The following TNKS variants were observed in gnomAD, a reference collection of about 807,000 sequenced individuals.
The protein encoded by TNKS is tankyrase, also known as poly [ADP-ribose] polymerase tankyrase-1.
In TNKS, 72 loss-of-function variants were observed where a neutral mutation model predicts 135.8. That is an observed-to-expected ratio of 0.53 (90% CI 0.44 to 0.64). The LOEUF (loss-of-function observed/expected upper bound fraction) is 0.64. TNKS is among the 30% of genes least tolerant of loss of function. The pLI, the probability that TNKS is intolerant of heterozygous loss-of-function variation, is 0.00. For synonymous variants in TNKS, 849 were observed against 649.3 expected (o/e 1.31, Z -4.68); for missense variants, 1,769 against 1,674.0 (o/e 1.06, Z -0.99).
At chr8:9,586,920 G>A (rs1007804655) in intron 2 of TNKS, among the ~76,000 whole-genome samples, 17 of 152,054 alleles carry the variant, frequency 1.1e-4, no homozygotes, top group Admixed American at 2.6e-4. Context: ...AGGAGTCGGC[G>A]TACCTGGAGA....
chr8:9,769,669 G>T (rs1272312595), intron 25 of TNKS, among the ~76,000 whole-genome samples: 5 of 139,074 alleles, frequency 3.6e-5, no homozygotes, highest in African/African-American at 1.4e-4. Flanking sequence ...GCCCAGCCTG[G>T]AGTGCAGTGG....
chr8:9,766,222 T>C lies in TNKS; in HGVS notation c.3554-17T>C, dbSNP rs1278436598. 2 of 1,589,120 alleles carry C rather than the reference T, an allele frequency of 1.3e-6. No individual in the cohort carries two copies. The highest frequency in any genetic ancestry group is 2.7e-5 in the African/African-American group (2 of 74,086). ...AAAAGTGTTCAAAAACGAATCTTTC[T>C]GTCTTCGTATTTCTAGGTTCTCCTT... On this transcript the variant is annotated splice_polypyrimidine_tract_variant and intron_variant, in intron 24 of 26. Transcript: ENST00000310430.
chr8:9,628,173 A>T (rs1442527140), intron 3 of TNKS, among the ~76,000 whole-genome samples: 12 of 152,298 alleles, frequency 7.9e-5, no homozygotes, highest in Admixed American at 5.2e-4. Context: ...AAAATAAAAA[A>T]AAAAACATTC....
intron 26 of TNKS, among the ~76,000 whole-genome samples, chr8:9,775,075 G>A (rs146125695): frequency 3.7e-4 from 56 of 152,222 alleles, no homozygotes; most frequent in African/African-American, 1.3e-3. Flanking sequence ...GGATGCTAGT[G>A]ATAAATAGTT....
At chr8:9,702,416 A>G (rs1380325765) in intron 5 of TNKS, among the ~76,000 whole-genome samples, 1 of 152,200 alleles carries the variant, frequency 6.6e-6, no homozygotes, top group Non-Finnish European at 1.5e-5. Flanking sequence ...ATATTAGCGT[A>G]TCCACAGGGG....
rs375751229 is a variant in TNKS, at chr8:9,752,612, T to C, written c.3139T>C (p.Phe1047Leu). The C allele has an allele frequency of 1.8e-5, 29 of 1,610,598 alleles. No individual in the cohort carries two copies. Among genetic ancestry groups the C allele is most frequent in the Non-Finnish European group, 2.2e-5 (26 of 1,177,448 alleles). Residue 1047 changes from phenylalanine (F) to leucine (L), a missense_variant, in exon 20 of 27, where the codon TTT becomes CTT. Around this residue, in one of 5 missense-constraint regions of TNKS, gnomAD observed 722 missense variants for 688.9 expected, o/e 1.05. Transcript: ENST00000310430. ...SLGLEHLRDIFETEQITLDVL... is the reference protein window; with the variant it reads ...SLGLEHLRDILETEQITLDVL... Reference sequence around the variant, plus strand: ...TGGCCTTGAACACCTTCGGGATATCTTTGAAACAGAACAGGTAAATACTCT... The same window carrying C: ...TGGCCTTGAACACCTTCGGGATATCCTTGAAACAGAACAGGTAAATACTCT...
intron 20 of TNKS, 50 bp from the exon 21 acceptor site, chr8:9,761,466 C>T: frequency 2.5e-6 from 4 of 1,589,950 alleles, no homozygotes; most frequent in Non-Finnish European, 3.4e-6. Context: ...AGCTTTTGTC[C>T]TCTTAAGAAC....
chr8:9,652,266 C>T (rs549327806), intron 3 of TNKS, among the ~76,000 whole-genome samples: 1 of 152,104 alleles, frequency 6.6e-6, no homozygotes, highest in East Asian at 1.9e-4. Flanking sequence ...ATATTTACTC[C>T]TGGTAAGGTT....
intron 2 of TNKS, among the ~76,000 whole-genome samples, chr8:9,602,825 A>T (rs1010545433): frequency 1.3e-5 from 2 of 152,226 alleles, no homozygotes; most frequent in African/African-American, 2.4e-5. Context: ...TGTGTCTAAA[A>T]CAATAGTGAG....
chr8:9,672,118 C>T (rs778143195), intron 3 of TNKS, among the ~76,000 whole-genome samples: 12 of 152,172 alleles, frequency 7.9e-5, no homozygotes, highest in Non-Finnish European at 1.2e-4. Flanking sequence ...CCCAGAAGCA[C>T]AAGAGTAGTG....
At chr8:9,583,642 C>G (rs1798255526) in intron 2 of TNKS, among the ~76,000 whole-genome samples, 1 of 152,024 alleles carries the variant, frequency 6.6e-6, no homozygotes, top group Non-Finnish European at 1.5e-5. Flanking sequence ...GCGCATGCCA[C>G]CATTCCCAGC....
At chr8:9,595,143 A>G (rs1174493380) in intron 2 of TNKS, among the ~76,000 whole-genome samples, 1 of 149,904 alleles carries the variant, frequency 6.7e-6, no homozygotes, top group Admixed American at 6.6e-5. Flanking sequence ...TTTTTTTGAG[A>G]CGGAGTCTTG....
At chr8:9,616,789 A>G (rs185877933) in intron 3 of TNKS, among the ~76,000 whole-genome samples, 2 of 152,326 alleles carry the variant, frequency 1.3e-5, no homozygotes, top group East Asian at 3.9e-4. Flanking sequence ...CACTAGAGTA[A>G]TAAACCTACT....
At chr8:9,754,959 C>T (rs1806757120) in intron 20 of TNKS, among the ~76,000 whole-genome samples, 1 of 152,222 alleles carries the variant, frequency 6.6e-6, no homozygotes, top group African/African-American at 2.4e-5. Flanking sequence ...AACCATTATA[C>T]TCTGCTGTTC....
chr8:9,751,062 C>T (rs555855481), intron 18 of TNKS, among the ~76,000 whole-genome samples: 1 of 130,874 alleles, frequency 7.6e-6, no homozygotes, highest in African/African-American at 3.1e-5. Context: ...CCACATTCGG[C>T]GGGTAGGGGG....
At position 9,556,303 on chromosome 8, in the gene TNKS, G is replaced by A. The variant is rs765954574; in HGVS notation, c.364G>A (p.Gly122Ser). 1.7e-5 allele frequency: 28 copies of A among 1,614,214 alleles called. No individual in the cohort carries two copies. The East Asian group carries it at 6.2e-4, about 36-fold the overall frequency. The change falls in exon 1 of 27, where the codon GGC becomes AGC. Residue 122 changes from glycine (G) to serine (S), a missense_variant. Transcript: ENST00000310430. Reference protein sequence around the residue: ...SAAGVAPNPAGSGSNNSPSSS... With the variant: ...SAAGVAPNPASSGSNNSPSSS... ...CGCTGGGGTCGCTCCCAACCCAGCC[G>A]GCAGTGGCAGTAACAATTCACCGTC...
chr8:9,664,409 A>G lies in TNKS; in HGVS notation c.995-15542A>G, dbSNP rs557054234. Among the ~76,000 whole-genome samples, 241 of 152,296 alleles carry G rather than the reference A, an allele frequency of 1.6e-3. 15 individuals carry two copies. Among genetic ancestry groups the G allele is most frequent in the Non-Finnish European group, 1.0e-3 (68 of 68,026 alleles). On this transcript the variant is annotated intron_variant, in intron 3 of 26. Coordinates refer to ENST00000310430, the MANE Select transcript of TNKS (RefSeq NM_003747.3). Reference sequence around the variant, plus strand: ...CCTTCCAACGCAAATTAAATTATTCATGAGGGATCCACCTCCATGACTCAG... The same window carrying G: ...CCTTCCAACGCAAATTAAATTATTCGTGAGGGATCCACCTCCATGACTCAG...
At chr8:9,634,399 A>C (rs1800425029) in intron 3 of TNKS, among the ~76,000 whole-genome samples, 1 of 152,232 alleles carries the variant, frequency 6.6e-6, no homozygotes, top group South Asian at 2.1e-4. Context: ...GTAACTTTTG[A>C]ACGTAATTCT....
chr8:9,565,096 G>T (rs774771318), intron 1 of TNKS, among the ~76,000 whole-genome samples: 1 of 151,870 alleles, frequency 6.6e-6, no homozygotes, highest in South Asian at 2.1e-4. Context: ...TTCTTTTAAG[G>T]CTTCATCAGA....
Sources: gnomAD v4.1 joint callset for allele counts (sites outside exome capture counted in the v4.1 genomes callset) on GRCh38, gnomAD v4.1.1 for gene constraint, gnomAD v4.1.1 regional missense constraint, MANE v1.5 for transcripts, NCBI Gene and HGNC (gene_info 2026-07-23, HGNC 2026-07-21) for gene names.